The following CNBD1 variants were observed in gnomAD, a reference collection of about 807,000 sequenced individuals.
The protein encoded by CNBD1 is cyclic nucleotide-binding domain-containing protein 1.
A neutral mutation model predicts 54.4 loss-of-function variants in CNBD1; 71 were observed. That is an observed-to-expected ratio of 1.30 (90% CI 1.08 to 1.59). CNBD1 has a LOEUF of 1.59. CNBD1 is among the 40% of genes most tolerant of loss of function. The pLI, the probability that CNBD1 is intolerant of heterozygous loss-of-function variation, is 0.00. For synonymous variants in CNBD1, 182 were observed against 170.7 expected (o/e 1.07, Z -0.51); for missense variants, 659 against 518.0 (o/e 1.27, Z -2.64).
intron 4 of CNBD1, among the ~76,000 whole-genome samples, chr8:87,095,875 G>T (rs894399817): frequency 6.6e-6 from 1 of 152,136 alleles, no homozygotes; most frequent in Non-Finnish European, 1.5e-5. Flanking sequence ...AGCCAGGATG[G>T]TCTCGATCTC....
chr8:86,877,573 T>C (rs1474995913), intron 1 of CNBD1, among the ~76,000 whole-genome samples: 1 of 152,156 alleles, frequency 6.6e-6, no homozygotes, highest in Non-Finnish European at 1.5e-5. Flanking sequence ...CTTCCTCTTT[T>C]GGCTTGCTGC....
chr8:87,334,870 C>T (rs931889119), intron 8 of CNBD1, among the ~76,000 whole-genome samples: 3 of 151,886 alleles, frequency 2.0e-5, no homozygotes, highest in Admixed American at 1.3e-4. Context: ...ACTACAGGTG[C>T]CCACCACCAT....
At chr8:87,266,298 A>C (rs890168884) in intron 6 of CNBD1, among the ~76,000 whole-genome samples, 2 of 151,724 alleles carry the variant, frequency 1.3e-5, no homozygotes, top group Non-Finnish European at 2.9e-5. Flanking sequence ...GATACTTGGG[A>C]AAGAGGAGCT....
chr8:87,410,316 C>T (rs1807720132), intron 2 of CNBD1, among the ~76,000 whole-genome samples: 3 of 152,100 alleles, frequency 2.0e-5, no homozygotes, highest in Non-Finnish European at 4.4e-5. Context: ...TAGGATATAG[C>T]TCCCATAGAT....
chr8:87,375,447 A>G (rs959501945), intron 10 of CNBD1, among the ~76,000 whole-genome samples: 2 of 151,854 alleles, frequency 1.3e-5, no homozygotes, highest in Admixed American at 1.3e-4. Context: ...TAATAGAACA[A>G]GGCTTAGAAA....
rs1336919192 is a variant in CNBD1 at position 87,182,226 on chromosome 8, TCA to T, written c.432-23766_432-23765del. 6.6e-6 allele frequency among the ~76,000 whole-genome samples: 1 copy of T among 152,194 alleles called. No homozygotes were observed. The highest frequency in any genetic ancestry group is 2.4e-5 in the African/African-American group (1 of 41,452). Reference sequence around the variant, plus strand: ...CCATGTTACTGCAAAGGACATGATCTCATTCTTTTTTATGGCTGCATAGTATT... The same window carrying T: ...CCATGTTACTGCAAAGGACATGATCTTTCTTTTTTATGGCTGCATAGTATT... On this transcript the variant is annotated intron_variant, in intron 4 of 10. Coordinates refer to ENST00000518476, the MANE Select transcript of CNBD1 (RefSeq NM_173538.3). This position sits in a 1 kb window ranked among gnomAD's most constrained non-coding sequence, Gnocchi z 4.1.
chr8:87,278,496 A>G (rs957519278), intron 6 of CNBD1, among the ~76,000 whole-genome samples: 2 of 151,688 alleles, frequency 1.3e-5, no homozygotes, highest in African/African-American at 2.4e-5. Flanking sequence ...CCAGAGAACA[A>G]TAACATATAT....
chr8:87,098,550 T>A (rs569531319), intron 4 of CNBD1, among the ~76,000 whole-genome samples: 1 of 152,038 alleles, frequency 6.6e-6, no homozygotes, highest in Non-Finnish European at 1.5e-5. Flanking sequence ...ACCAAAGACA[T>A]GAAGCTCTTT....
chr8:87,306,729 A>C (rs1276617655), intron 8 of CNBD1, among the ~76,000 whole-genome samples: 2 of 152,026 alleles, frequency 1.3e-5, no homozygotes, highest in African/African-American at 4.8e-5. Flanking sequence ...CAAAGGCATA[A>C]GAATGACACA....
chr8:87,427,751 T>G (rs532607404), intron 2 of CNBD1, among the ~76,000 whole-genome samples: 1 of 152,180 alleles, frequency 6.6e-6, no homozygotes. Flanking sequence ...CAGCAAAAAT[T>G]TTGGCTCTTT....
chr8:87,076,465 C>A (rs549004011), intron 4 of CNBD1, among the ~76,000 whole-genome samples: 3 of 150,518 alleles, frequency 2.0e-5, no homozygotes, highest in Non-Finnish European at 4.4e-5. Flanking sequence ...TTTTTTGAGA[C>A]AGAGTCTCAC....
intron 5 of CNBD1, among the ~76,000 whole-genome samples, chr8:87,224,178 C>G (rs540184183): frequency 0.039 from 5,843 of 151,450 alleles, 356 homozygotes; most frequent in African/African-American, 0.12. Context: ...AAAATTTTCT[C>G]CCATTTTGTA....
intron 8 of CNBD1, among the ~76,000 whole-genome samples, chr8:87,302,992 C>G (rs1268143166): frequency 7.9e-5 from 12 of 151,480 alleles, no homozygotes; most frequent in Admixed American, 2.6e-4. Context: ...AAAGAGGATA[C>G]AAACAAATGG....
intron 4 of CNBD1, among the ~76,000 whole-genome samples, chr8:87,012,812 G>C (rs969276780): frequency 2.6e-5 from 4 of 152,154 alleles, no homozygotes; most frequent in Admixed American, 1.3e-4. Context: ...CCCCCACTTT[G>C]AGTTGTCCTG....
At chr8:86,879,764 C>T (rs760471270) in intron 1 of CNBD1, among the ~76,000 whole-genome samples, 11 of 151,764 alleles carry the variant, frequency 7.2e-5, no homozygotes, top group South Asian at 2.1e-4. Flanking sequence ...CCCAGCTGCT[C>T]GGGAGACTGA....
At chr8:87,317,175 A>T (rs1228405051) in intron 8 of CNBD1, among the ~76,000 whole-genome samples, 3 of 151,672 alleles carry the variant, frequency 2.0e-5, no homozygotes, top group Non-Finnish European at 4.4e-5. Flanking sequence ...AATTTTCTCC[A>T]TTGATTTTTC....
intron 10 of CNBD1, among the ~76,000 whole-genome samples, chr8:87,381,465 A>T (rs74768765): frequency 0.019 from 2,869 of 152,068 alleles, 93 homozygotes; most frequent in African/African-American, 0.062. Flanking sequence ...TGGAAAACAG[A>T]ATGGAAGTCC....
At chr8:87,046,083 C>T (rs1032195803) in intron 4 of CNBD1, among the ~76,000 whole-genome samples, 2 of 151,670 alleles carry the variant, frequency 1.3e-5, no homozygotes, top group Admixed American at 1.3e-4. Context: ...ACAGGTGCCC[C>T]CCTACTTTGG....
At chr8:87,086,028 C>G (rs1199593314) in intron 4 of CNBD1, among the ~76,000 whole-genome samples, 1 of 152,086 alleles carries the variant, frequency 6.6e-6, no homozygotes. Context: ...CTGTTCCTTC[C>G]CTTTTTCAGG....
Sources: gnomAD v4.1 joint callset for allele counts (sites outside exome capture counted in the v4.1 genomes callset) on GRCh38, gnomAD v4.1.1 for gene constraint, Gnocchi (gnomAD v3.1) non-coding constraint, MANE v1.5 for transcripts, NCBI Gene and HGNC (gene_info 2026-07-23, HGNC 2026-07-21) for gene names.